RANBP3: variants seen among roughly 807,000 people sequenced by gnomAD.
RANBP3 encodes ran-binding protein 3.
Under a neutral mutation model 77.3 loss-of-function variants are expected in RANBP3, and 14 were observed. That is an observed-to-expected ratio of 0.18 (90% CI 0.12 to 0.28). The LOEUF (loss-of-function observed/expected upper bound fraction) is 0.28, where lower values mean the gene tolerates loss of function less well. Ranked by LOEUF, RANBP3 falls within the 10% of genes least tolerant of loss-of-function variation. The probability of loss-of-function intolerance (pLI) is 1.00; values close to 1 mark genes in which losing one functional copy is unlikely to be tolerated. For missense variants in RANBP3, 586 were observed against 752.3 expected (o/e 0.78, Z 2.59); for synonymous variants, 315 against 312.4 (o/e 1.01, Z -0.09).
chr19:5,961,984 A>C (rs2058408841), intron 1 of RANBP3, among the ~76,000 whole-genome samples: 1 of 151,808 alleles, frequency 6.6e-6, no homozygotes, highest in Admixed American at 6.6e-5. Flanking sequence ...TCCTGCACAG[A>C]CACCATCTCC....
chr19:5,953,107 T>G (rs2058295058), intron 2 of RANBP3, among the ~76,000 whole-genome samples: 2 of 152,204 alleles, frequency 1.3e-5, no homozygotes, highest in East Asian at 1.9e-4. Context: ...GTCATAAACA[T>G]GGAAACCAAG....
At chr19:5,977,919 G>C in intron 1 of RANBP3, 142 bp downstream of exon 1, 1 of 1,102,318 alleles carries the variant, frequency 9.1e-7, no homozygotes. Flanking sequence ...ATAGGGGGCG[G>C]CTGCAAGGCC....
Position 5,921,913 on chromosome 19 carries a change from A to T in RANBP3, c.1210-592T>A, listed in dbSNP as rs145181862. ...TCCGACCCCCGCTGCAACGTGGATG[A>T]ACCTCTGGCTCAGCGAGAGAAGCCA... On this transcript the variant is annotated intron_variant, in intron 13 of 16. Transcript: ENST00000340578. This position sits in a 1 kb window ranked among gnomAD's most constrained non-coding sequence, Gnocchi z 5.3. Among the ~76,000 whole-genome samples, 55 of 152,346 alleles carry T rather than the reference A, an allele frequency of 3.6e-4. No homozygotes were observed. The highest frequency in any genetic ancestry group is 1.3e-3 in the African/African-American group (55 of 41,578).
chr19:5,970,821 C>T (rs1156353112), intron 1 of RANBP3, among the ~76,000 whole-genome samples: 1 of 152,190 alleles, frequency 6.6e-6, no homozygotes, highest in African/African-American at 2.4e-5. Flanking sequence ...TGCGTATCAT[C>T]GTTCCCATTT....
At chr19:5,933,903 G>C (rs967050710) in intron 5 of RANBP3, 1 of 159,826 alleles carries the variant, frequency 6.3e-6, no homozygotes, top group African/African-American at 2.4e-5. Flanking sequence ...CTGTGGCCAG[G>C]AAGAACCTTG....
intron 1 of RANBP3, among the ~76,000 whole-genome samples, chr19:5,972,307 G>C (rs1363740440): frequency 1.3e-5 from 2 of 152,224 alleles, no homozygotes; most frequent in Non-Finnish European, 2.9e-5. Flanking sequence ...GAGATCCATA[G>C]CTAGTGCTGT....
chr19:5,963,104 G>A (rs2058423879), intron 1 of RANBP3, among the ~76,000 whole-genome samples: 1 of 152,166 alleles, frequency 6.6e-6, no homozygotes. Flanking sequence ...TAAAATAGGA[G>A]TCAAATGCAG....
chr19:5,919,842 G>A (rs897686384), intron 14 of RANBP3, among the ~76,000 whole-genome samples: 6 of 151,728 alleles, frequency 4.0e-5, no homozygotes, highest in African/African-American at 1.2e-4. Flanking sequence ...TGGAGGCTGC[G>A]GTGGGCCGAA....
At chr19:5,929,406 G>A (rs1234612718) in intron 8 of RANBP3, among the ~76,000 whole-genome samples, 5 of 152,244 alleles carry the variant, frequency 3.3e-5, no homozygotes, top group East Asian at 1.9e-4. Flanking sequence ...TGCTCACACC[G>A]ACTGGTGCTA....
In RANBP3 at chr19:5,952,577, T is replaced by G. The variant is rs2058288537; in HGVS notation, c.79-981A>C. On this transcript the variant is annotated intron_variant, in intron 2 of 16. Transcript: ENST00000340578. This position sits in a 1 kb window ranked among gnomAD's most constrained non-coding sequence, Gnocchi z 4.1. ...CATCGTCCAACGACATGGAGCCATT[T>G]CTCGCACTCGGTGACCTACATGACT... 1.3e-5 allele frequency among the ~76,000 whole-genome samples: 2 copies of G among 152,192 alleles called. No homozygotes were observed. Among genetic ancestry groups the G allele is most frequent in the Admixed American group, 1.3e-4 (2 of 15,290 alleles).
At chr19:5,933,664 A>C (rs952407077) in intron 5 of RANBP3, 185 bp from the exon 6 acceptor site, 10 of 539,732 alleles carry the variant, frequency 1.9e-5, no homozygotes, top group Admixed American at 1.0e-4. Flanking sequence ...CGCCTGGAGG[A>C]GGGGAGAGAC....
intron 12 of RANBP3, 72 bp from the exon 13 acceptor site, chr19:5,923,375 G>A: frequency 1.4e-6 from 2 of 1,457,690 alleles, no homozygotes; most frequent in Non-Finnish European, 1.9e-6. Flanking sequence ...TCATCCGACA[G>A]GAGATGAGAG....
At chr19:5,968,618 A>G (rs1244253009) in intron 1 of RANBP3, among the ~76,000 whole-genome samples, 1 of 152,226 alleles carries the variant, frequency 6.6e-6, no homozygotes, top group South Asian at 2.1e-4. Flanking sequence ...GACCCCTTTT[A>G]GGGGGTGGAA....
chr19:5,923,832 T>G lies in RANBP3; in HGVS notation c.1079A>C (p.Gln360Pro), dbSNP rs892519998. Residue 360 changes from glutamine (Q) to proline (P), a missense_variant, in exon 12 of 17, where the codon CAG (glutamine) becomes CCG (proline). By Grantham distance (76) the Gln-to-Pro change is moderately conservative. Coordinates refer to ENST00000340578, the MANE Select transcript of RANBP3 (RefSeq NM_007322.3). ...CATACCTTTCTCAGGGGTGGCCTCC[T>G]GGGACGAGGACTCAGACCCTGACTC... ...AAESGSESSS[Q>P]EATPEKESLA... 1 of 1,613,918 alleles carries G rather than the reference T, an allele frequency of 6.2e-7. No homozygotes were observed. The highest frequency in any genetic ancestry group is 8.5e-7 in the Non-Finnish European group (1 of 1,179,780).
At chr19:5,962,727 T>C (rs2145234258) in intron 1 of RANBP3, 1 of 455,930 alleles carries the variant, frequency 2.2e-6, no homozygotes, top group Non-Finnish European at 4.4e-6. Flanking sequence ...ACACAGAGCG[T>C]CAGTTACTCA....
intron 2 of RANBP3, among the ~76,000 whole-genome samples, chr19:5,953,931 A>T (rs1188502034): frequency 6.6e-6 from 1 of 152,048 alleles, no homozygotes; most frequent in Non-Finnish European, 1.5e-5. Flanking sequence ...TGGCAACCTC[A>T]CCCAAGGCTA....
At chr19:5,935,699 A>G (rs1292338816) in intron 5 of RANBP3, 4 of 456,538 alleles carry the variant, frequency 8.8e-6, no homozygotes, top group African/African-American at 8.0e-5. Context: ...CACTAGTGCT[A>G]GGCCCAGAGC....
chr19:5,940,258 C>T (rs2058118629), intron 5 of RANBP3, among the ~76,000 whole-genome samples: 1 of 152,186 alleles, frequency 6.6e-6, no homozygotes, highest in African/African-American at 2.4e-5. Context: ...AACACCTCCT[C>T]TTCTCTATGC....
chr19:5,941,857 C>G (rs1286621565), intron 3 of RANBP3, 22 bp from the exon 4 acceptor site: 1 of 1,612,028 alleles, frequency 6.2e-7, no homozygotes, highest in Admixed American at 1.7e-5. Flanking sequence ...AGCACACAGC[C>G]GGGGTCAGAG....
Sources: gnomAD v4.1 joint callset for allele counts (sites outside exome capture counted in the v4.1 genomes callset) on GRCh38, gnomAD v4.1.1 for gene constraint, Gnocchi (gnomAD v3.1) non-coding constraint, MANE v1.5 for transcripts, NCBI Gene and HGNC (gene_info 2026-07-23, HGNC 2026-07-21) for gene names.